Variants in BAIAP2 observed in about 807,000 individuals in gnomAD.
BAIAP2 encodes BAR/IMD domain-containing adapter protein 2.
Under a neutral mutation model 63.0 loss-of-function variants are expected in BAIAP2, and 18 were observed. The ratio of observed to expected loss-of-function variants is 0.29; its 90% CI spans 0.20 to 0.42. The LOEUF (loss-of-function observed/expected upper bound fraction) is 0.42, where lower values mean the gene tolerates loss of function less well. BAIAP2 is among the 10% of genes least tolerant of loss of function. The pLI, the probability that BAIAP2 is intolerant of heterozygous loss-of-function variation, is 1.00. For missense variants in BAIAP2, 610 were observed against 734.3 expected, an observed-to-expected ratio of 0.83 and a Z score of 1.96; for synonymous variants, 386 against 307.6, an observed-to-expected ratio of 1.25 and a Z score of -2.67.
At chr17:81,051,274 C>T (rs537931554) in intron 1 of BAIAP2, among the ~76,000 whole-genome samples, 68 of 152,338 alleles carry the variant, frequency 4.5e-4, no homozygotes, top group African/African-American at 1.4e-3. Flanking sequence ...GTAGCACATG[C>T]CTCTCTTCCC....
At chr17:81,060,081 C>T (rs964396357) in intron 3 of BAIAP2, among the ~76,000 whole-genome samples, 5 of 152,156 alleles carry the variant, frequency 3.3e-5, no homozygotes, top group African/African-American at 1.2e-4. Flanking sequence ...TCCCCGGGCT[C>T]CTCCTGGAGC....
Position 81,103,524 on chromosome 17 carries a change from A to G in BAIAP2, c.665A>G (p.Lys222Arg), listed in dbSNP as rs779694736. ...CAGGGCAAGGAGCTGCTGGCGCAGA[A>G]GCTGCCGCTGTGGCAACAGGCCTGT... ...HSKGKELLAQKLPLWQQACAD... is the reference protein window; with the variant it reads ...HSKGKELLAQRLPLWQQACAD... Residue 222 changes from lysine (K) to arginine (R), a missense_variant, in exon 8 of 14, where the codon AAG becomes AGG. Lys to Arg is a conservative substitution (Grantham distance 26). Coordinates refer to ENST00000428708, the MANE Select transcript of BAIAP2 (RefSeq NM_001144888.2). 7 of 1,585,634 alleles carry G rather than the reference A, an allele frequency of 4.4e-6. No homozygotes were observed. The East Asian group carries it at 1.4e-4, about 31-fold the overall frequency.
At position 81,116,895 on chromosome 17, in the gene BAIAP2, GCAGTTGAGAGCTGGC is replaced by G. The variant is rs2060565529; in HGVS notation, c.*1060_*1074del. ...GCTGTAGAGTTGGCGGGCCAGGAGG[GCAGTTGAGAGCTGGC>G]CAGCGGAGGGTGCAGGGAAGCCCAG... On this transcript the variant is annotated 3_prime_UTR_variant, in exon 14 of 14. Coordinates refer to ENST00000428708, the MANE Select transcript of BAIAP2 (RefSeq NM_001144888.2). The G allele has an allele frequency of 6.4e-6, 1 of 155,254 alleles. No homozygotes were observed. The highest frequency in any genetic ancestry group is 1.4e-5 in the Non-Finnish European group (1 of 69,708). 9.6% of individuals were successfully genotyped at this position (155,254 alleles called of 1,614,324 possible). A position where few individuals can be genotyped will look rare whatever the true frequency, so the allele number is the denominator to read the frequency against.
intron 3 of BAIAP2, among the ~76,000 whole-genome samples, chr17:81,074,518 G>A (rs1379098449): frequency 1.3e-5 from 2 of 149,974 alleles, no homozygotes; most frequent in Non-Finnish European, 3.0e-5. Flanking sequence ...GGATGCGTAC[G>A]AGTTGCCTGT....
Position 81,035,157 on chromosome 17 carries a change from C to T in BAIAP2, c.-98C>T, listed in dbSNP as rs900333183. 10 of 985,068 alleles carry T rather than the reference C, an allele frequency of 1.0e-5. No individual in the cohort carries two copies. In the East Asian group the frequency reaches 1.5e-4, roughly 15 times the overall value. 61.0% of individuals were successfully genotyped at this position (985,068 alleles called of 1,614,324 possible). A position where few individuals can be genotyped will look rare whatever the true frequency, so the allele number is the denominator to read the frequency against. On this transcript the variant is annotated 5_prime_UTR_variant, in exon 1 of 14. Coordinates refer to ENST00000428708, the MANE Select transcript of BAIAP2 (RefSeq NM_001144888.2). ...CCGCCGGACGCCGGGCTCTGTGGTT[C>T]GGGTCCGCTTTCGTCTCCGTCCTGC...
At chr17:81,075,889 C>T (rs1326648184) in intron 3 of BAIAP2, among the ~76,000 whole-genome samples, 1 of 151,926 alleles carries the variant, frequency 6.6e-6, no homozygotes. Context: ...TGTCCTGGCA[C>T]GGAGGTTCTG....
At chr17:81,044,519 T>TA (rs1459191526) in intron 1 of BAIAP2, among the ~76,000 whole-genome samples, 2 of 152,242 alleles carry the variant, frequency 1.3e-5, no homozygotes, top group South Asian at 2.1e-4. Context: ...ATCGCCTTCC[T>TA]AAAGACCCTG....
At chr17:81,047,986 G>A (rs1335923269) in intron 1 of BAIAP2, among the ~76,000 whole-genome samples, 1 of 152,270 alleles carries the variant, frequency 6.6e-6, no homozygotes, top group African/African-American at 2.4e-5. Context: ...GGAGGGAGGT[G>A]GGGGACACTC....
chr17:81,066,256 C>T (rs879881672), intron 3 of BAIAP2, among the ~76,000 whole-genome samples: 2 of 152,258 alleles, frequency 1.3e-5, no homozygotes, highest in Non-Finnish European at 2.9e-5. Flanking sequence ...TGTCCTCTGC[C>T]AGCTGCCCGG....
intron 5 of BAIAP2, among the ~76,000 whole-genome samples, chr17:81,086,034 C>T (rs1192290588): frequency 6.6e-6 from 1 of 152,144 alleles, no homozygotes; most frequent in Non-Finnish European, 1.5e-5. Context: ...TCTCTGGCCT[C>T]TGCAGTTCCC....
Position 81,085,267 on chromosome 17 carries a change from C to T in BAIAP2, c.279+374C>T, listed in dbSNP as rs183044888. On this transcript the variant is annotated intron_variant, in intron 4 of 13. Coordinates refer to ENST00000428708, the MANE Select transcript of BAIAP2 (RefSeq NM_001144888.2). ...CCACACAACCAGAGCACGTTGCTGG[C>T]GGCTGGTTTGCAGCATCCTGTCTAA... is the stretch of plus-strand genomic sequence containing the variant. 69 of 495,288 alleles carry T rather than the reference C, an allele frequency of 1.4e-4. 2 individuals carry two copies. In the East Asian group the frequency reaches 1.5e-3, roughly 11 times the overall value. 30.7% of individuals were successfully genotyped at this position (495,288 alleles called of 1,614,324 possible). A position where few individuals can be genotyped will look rare whatever the true frequency, so the allele number is the denominator to read the frequency against.
chr17:81,105,400 T>G (rs1049171750), intron 10 of BAIAP2: 3 of 153,900 alleles, frequency 1.9e-5, no homozygotes, highest in Non-Finnish European at 4.3e-5. Flanking sequence ...GAGCAGGGCT[T>G]GGCCATCCTG....
At chr17:81,053,626 G>A in intron 1 of BAIAP2, 42 bp from the exon 2 acceptor site, 2 of 1,610,258 alleles carry the variant, frequency 1.2e-6, no homozygotes, top group Non-Finnish European at 8.5e-7. Flanking sequence ...TCACCAGGGT[G>A]ACCTCTGCCA....
rs2060544906 is a variant in BAIAP2, at chr17:81,116,505, G to A, written c.*666G>A. On this transcript the variant is annotated 3_prime_UTR_variant, in exon 14 of 14. Coordinates refer to ENST00000428708, the MANE Select transcript of BAIAP2 (RefSeq NM_001144888.2). ...TACCCAACCTCCCATCCAGAACCTT[G>A]CTGCCAGGGCCTCCCAGCTCGCTCC... 1.5e-6 allele frequency: 1 copy of A among 684,502 alleles called. No individual in the cohort carries two copies. Among genetic ancestry groups the A allele is most frequent in the African/African-American group, 1.8e-5 (1 of 55,180 alleles). 42.4% of individuals were successfully genotyped at this position (684,502 alleles called of 1,614,324 possible). A position where few individuals can be genotyped will look rare whatever the true frequency, so the allele number is the denominator to read the frequency against.
rs556318458 is a variant in BAIAP2, at chr17:81,074,621, C to T, written c.218-10211C>T. On this transcript the variant is annotated intron_variant, in intron 3 of 13. Transcript: ENST00000428708. ...TGTGCGTGCACGGATGCGTGAGTGC[C>T]TGTGTGCGTGCACGGATGCGTTGAG... is the stretch of plus-strand genomic sequence containing the variant. Among the ~76,000 whole-genome samples the T allele has an allele frequency of 4.4e-4, 59 of 134,200 alleles. 2 individuals carry two copies. The highest frequency in any genetic ancestry group is 4.0e-3 in the Admixed American group (53 of 13,388). The allele number at this position is 134,200 out of a possible 152,430, so 88.0% of individuals were successfully genotyped here.
Position 81,106,910 on chromosome 17 carries a change from C to A in BAIAP2, c.1500+3C>A. Reference sequence around the variant, plus strand: ...TGGCCGTGCCCGCCTTCTCCCAGGTCAGTGGGCGGGGCCGGGGCTGGGAGG... The same window carrying A: ...TGGCCGTGCCCGCCTTCTCCCAGGTAAGTGGGCGGGGCCGGGGCTGGGAGG... On this transcript the variant is annotated splice_donor_region_variant and intron_variant, in intron 12 of 13. Coordinates refer to ENST00000428708, the MANE Select transcript of BAIAP2 (RefSeq NM_001144888.2). 1 of 1,528,772 alleles carries A rather than the reference C, an allele frequency of 6.5e-7. No individual in the cohort carries two copies. The highest frequency in any genetic ancestry group is 1.3e-5 in the South Asian group (1 of 78,968). 94.7% of individuals were successfully genotyped at this position (1,528,772 alleles called of 1,614,324 possible). A position where few individuals can be genotyped will look rare whatever the true frequency, so the allele number is the denominator to read the frequency against.
intron 6 of BAIAP2, among the ~76,000 whole-genome samples, chr17:81,096,067 A>C (rs1161004168): frequency 6.6e-6 from 1 of 152,140 alleles, no homozygotes; most frequent in Non-Finnish European, 1.5e-5. Flanking sequence ...GGGGCCCTGC[A>C]GCCTAGTTTA....
chr17:81,044,170 G>A (rs2047470907), intron 1 of BAIAP2, among the ~76,000 whole-genome samples: 1 of 152,230 alleles, frequency 6.6e-6, no homozygotes, highest in South Asian at 2.1e-4. Context: ...GCATTCCTAA[G>A]CTGCCTCCCT....
intron 12 of BAIAP2, 68 bp from the exon 13 acceptor site, chr17:81,108,407 C>T: frequency 1.9e-6 from 3 of 1,557,270 alleles, no homozygotes; most frequent in South Asian, 2.2e-5. Flanking sequence ...TGGGTGTGTA[C>T]AGGCAGCGGG....
Sources: gnomAD v4.1 joint callset for allele counts (sites outside exome capture counted in the v4.1 genomes callset) on GRCh38, gnomAD v4.1.1 for gene constraint, MANE v1.5 for transcripts, NCBI Gene and HGNC (gene_info 2026-07-23, HGNC 2026-07-21) for gene names.